The following MROH2B variants were observed in gnomAD, a reference collection of about 807,000 sequenced individuals.
The protein encoded by MROH2B is maestro heat like repeat family member 2B.
In MROH2B, 177 loss-of-function variants were observed where a neutral mutation model predicts 208.6. The observed-to-expected ratio is 0.85, with a 90% CI of 0.75 to 0.96. The LOEUF is 0.96. Among genes scored for constraint, MROH2B ranks in the 40% least tolerant of loss-of-function variants. The pLI is 0.00. For synonymous variants in MROH2B, 728 were observed against 659.0 expected (o/e 1.10, Z -1.60); for missense variants, 2,002 against 1,878.7 (o/e 1.07, Z -1.21).
At position 41,058,055 on chromosome 5, in the gene MROH2B, G is replaced by C. The variant is rs762862044; in HGVS notation, c.756+8C>G. The C allele has an allele frequency of 3.2e-6, 5 of 1,574,468 alleles. No homozygotes were observed. Among genetic ancestry groups the C allele is most frequent in the Non-Finnish European group, 8.6e-7 (1 of 1,159,554 alleles). Reference sequence around the variant, plus strand: ...TCTGATTCAGTTCCTTTAGGGTATGGCTCTTACCTGAGTGACATGGAAATC... The same window carrying C: ...TCTGATTCAGTTCCTTTAGGGTATGCCTCTTACCTGAGTGACATGGAAATC... On this transcript the variant is annotated splice_region_variant and intron_variant, in intron 7 of 41. Coordinates refer to ENST00000399564, the MANE Select transcript of MROH2B (RefSeq NM_173489.5).
intron 24 of MROH2B, among the ~76,000 whole-genome samples, chr5:41,023,816 C>T (rs1406094697): frequency 1.3e-5 from 2 of 152,184 alleles, no homozygotes; most frequent in African/African-American, 4.8e-5. Flanking sequence ...GGAAGCCCAT[C>T]AGACTAACAG....
chr5:41,001,619 A>G (rs1462833012), intron 37 of MROH2B, among the ~76,000 whole-genome samples: 1 of 152,038 alleles, frequency 6.6e-6, no homozygotes, highest in Non-Finnish European at 1.5e-5. Flanking sequence ...TGGGAGGGTG[A>G]GGCGTGAGAA....
intron 24 of MROH2B, among the ~76,000 whole-genome samples, chr5:41,024,617 A>G (rs1469204902): frequency 2.0e-5 from 3 of 152,220 alleles, no homozygotes; most frequent in African/African-American, 7.2e-5. Flanking sequence ...TCAACATTAG[A>G]CAGATCAATA....
chr5:41,027,950 A>G (rs1317993122), intron 24 of MROH2B, among the ~76,000 whole-genome samples: 4 of 151,298 alleles, frequency 2.6e-5, no homozygotes, highest in African/African-American at 9.7e-5. Flanking sequence ...GAAAAACCAA[A>G]CACCGCTTGT....
At chr5:41,038,093 C>A (rs1170532861) in intron 21 of MROH2B, among the ~76,000 whole-genome samples, 1 of 152,080 alleles carries the variant, frequency 6.6e-6, no homozygotes, top group African/African-American at 2.4e-5. Context: ...GGAAACAGTG[C>A]AACACAGGTG....
At position 41,000,693 on chromosome 5, in the gene MROH2B, G is replaced by A. The variant is rs185230674; in HGVS notation, c.4335C>T (p.Asn1445=). 2.0e-5 allele frequency: 32 copies of A among 1,611,612 alleles called. No homozygotes were observed. In the Admixed American group the frequency reaches 3.2e-4, roughly 16 times the overall value. ...ISFLLHLWDP[N]PKIGVACRDV... is the part of the protein sequence containing the mutation. Reference sequence around the variant, plus strand: ...GAGCACTTACAACTCCAATCTTGGGGTTGGGATCCCAAAGGTGCAGAAGGA... The same window carrying A: ...GAGCACTTACAACTCCAATCTTGGGATTGGGATCCCAAAGGTGCAGAAGGA... Residue 1445 remains asparagine (N), a synonymous_variant, in exon 38 of 42, where the codon AAC becomes AAT. Coordinates refer to ENST00000399564, the MANE Select transcript of MROH2B (RefSeq NM_173489.5).
At chr5:41,038,411 A>G (rs929950879) in intron 21 of MROH2B, among the ~76,000 whole-genome samples, 1 of 152,166 alleles carries the variant, frequency 6.6e-6, no homozygotes, top group Non-Finnish European at 1.5e-5. Flanking sequence ...GAAAGAAAAT[A>G]GATTACCTGA....
chr5:40,998,766 G>A (rs1244273277), intron 40 of MROH2B, 89 bp from the exon 41 acceptor site: 6 of 1,058,526 alleles, frequency 5.7e-6, no homozygotes. Flanking sequence ...CACCTGGTGA[G>A]AAGGTAAATG....
At chr5:41,015,721 T>C (rs1472524660) in intron 28 of MROH2B, among the ~76,000 whole-genome samples, 1 of 152,220 alleles carries the variant, frequency 6.6e-6, no homozygotes, top group African/African-American at 2.4e-5. Flanking sequence ...GTCTTGGTTT[T>C]GCAGATGAGA....
chr5:41,014,245 C>T (rs756085774), intron 29 of MROH2B, among the ~76,000 whole-genome samples: 2 of 152,156 alleles, frequency 1.3e-5, no homozygotes, highest in Admixed American at 6.6e-5. Context: ...CATGAGGGTG[C>T]CCTTTTGCAT....
rs746840648 is a variant in MROH2B at position 41,048,308 on chromosome 5, C to T, written c.1684+16G>A. 2.8e-5 allele frequency: 45 copies of T among 1,602,170 alleles called. No homozygotes were observed. The highest frequency in any genetic ancestry group is 2.3e-5 in the Non-Finnish European group (27 of 1,175,816). ...TCTTGCCCCCTGGGTAAAGACCTGGCCCCAATCCCTTGTACCTTCCAGAGG... is the reference window on the plus strand; with the variant it reads ...TCTTGCCCCCTGGGTAAAGACCTGGTCCCAATCCCTTGTACCTTCCAGAGG... On this transcript the variant is annotated intron_variant, in intron 16 of 41. Transcript: ENST00000399564.
intron 36 of MROH2B, 63 bp downstream of exon 36, chr5:41,004,711 T>G: frequency 6.4e-7 from 1 of 1,571,668 alleles, no homozygotes; most frequent in Non-Finnish European, 8.6e-7. Context: ...TAGGCGTGGG[T>G]TATTAAATCA....
At chr5:41,059,762 A>G (rs1743577546) in intron 6 of MROH2B, among the ~76,000 whole-genome samples, 1 of 152,086 alleles carries the variant, frequency 6.6e-6, no homozygotes, top group African/African-American at 2.4e-5. Context: ...CTCCATCATG[A>G]GTTCTTCTCC....
intron 17 of MROH2B, among the ~76,000 whole-genome samples, chr5:41,046,165 A>AT (rs34139833): frequency 6.6e-6 from 1 of 151,692 alleles, no homozygotes; most frequent in Non-Finnish European, 1.5e-5. Flanking sequence ...TAAAGTTGGC[A>AT]TTTTTCTAGT....
At chr5:41,004,576 T>A (rs774773236) in intron 36 of MROH2B, 48 bp from the exon 37 acceptor site, 5 of 1,573,902 alleles carry the variant, frequency 3.2e-6, no homozygotes, top group Non-Finnish European at 3.4e-6. Context: ...TCTATGCGTA[T>A]CTGGAAGAGG....
At chr5:41,043,533 C>G (rs1405311100) in intron 18 of MROH2B, among the ~76,000 whole-genome samples, 1 of 152,144 alleles carries the variant, frequency 6.6e-6, no homozygotes, top group Non-Finnish European at 1.5e-5. Context: ...CTTAGTGCCT[C>G]CCAGTCCTGC....
intron 24 of MROH2B, among the ~76,000 whole-genome samples, chr5:41,029,919 C>A (rs1334063961): frequency 6.6e-6 from 1 of 151,940 alleles, no homozygotes; most frequent in Admixed American, 6.6e-5. Flanking sequence ...ATGCAATATA[C>A]AAACCTGCAC....
intron 20 of MROH2B, among the ~76,000 whole-genome samples, chr5:41,039,166 T>G (rs1246061145): frequency 4.6e-5 from 7 of 152,074 alleles, no homozygotes; most frequent in Non-Finnish European, 1.0e-4. Flanking sequence ...AGAGTATGCA[T>G]GAGAGGAGCT....
chr5:41,010,547 C>T (rs988762568), intron 30 of MROH2B, among the ~76,000 whole-genome samples: 1 of 152,068 alleles, frequency 6.6e-6, no homozygotes, highest in African/African-American at 2.4e-5. Flanking sequence ...TTTCAAAAGG[C>T]AAGGTGGAGA....
Sources: allele counts gnomAD v4.1 joint callset (sites outside exome capture counted in the v4.1 genomes callset), GRCh38; gene constraint gnomAD v4.1.1; transcripts MANE v1.5; gene names NCBI Gene and HGNC (gene_info 2026-07-23, HGNC 2026-07-21).